The following EFCAB11 variants were observed in gnomAD, a reference collection of about 807,000 sequenced individuals.
The protein encoded by EFCAB11 is EF-hand calcium binding domain 11.
A neutral mutation model predicts 23.0 loss-of-function variants in EFCAB11; 14 were observed. The ratio of observed to expected loss-of-function variants is 0.61; its 90% confidence interval spans 0.40 to 0.95. The LOEUF is 0.95. EFCAB11 is among the 40% of genes least tolerant of loss of function. The pLI is 0.00. For missense variants in EFCAB11, 198 were observed against 195.8 expected (o/e 1.01, Z -0.07); for synonymous variants, 65 against 66.6 (o/e 0.98, Z 0.11).
rs945690667 is a variant in EFCAB11 at position 89,832,482 on chromosome 14, C to T, written c.411-35158G>A. On this transcript the variant is annotated intron_variant, in intron 5 of 5. Transcript: ENST00000316738. ...TACCACTCCTCATGATTTCGCATGA[C>T]GCCTATGTCGCACATGTATGTTTCT... is the stretch of plus-strand genomic sequence containing the variant. Among the ~76,000 whole-genome samples the T allele has an allele frequency of 3.9e-5, 6 of 152,286 alleles. No individual in the cohort carries two copies. In the East Asian group the frequency reaches 5.8e-4, roughly 15 times the overall value.
chr14:89,894,999 C>T (rs1183887577), intron 5 of EFCAB11, among the ~76,000 whole-genome samples: 1 of 152,142 alleles, frequency 6.6e-6, no homozygotes, highest in Non-Finnish European at 1.5e-5. Flanking sequence ...TAGAATCTTG[C>T]CTCTACTATT....
intron 5 of EFCAB11, among the ~76,000 whole-genome samples, chr14:89,903,657 T>C (rs2140205961): frequency 6.6e-6 from 1 of 152,292 alleles, no homozygotes; most frequent in South Asian, 2.1e-4. Flanking sequence ...ATATTAGCAC[T>C]TTAAATCAAT....
At chr14:89,844,038 C>T (rs2140131224) in intron 5 of EFCAB11, among the ~76,000 whole-genome samples, 1 of 152,258 alleles carries the variant, frequency 6.6e-6, no homozygotes, top group African/African-American at 2.4e-5. Flanking sequence ...ATACTAAAGG[C>T]TGAATAACAG....
intron 5 of EFCAB11, among the ~76,000 whole-genome samples, chr14:89,846,976 C>T (rs986376595): frequency 3.9e-5 from 6 of 152,142 alleles, no homozygotes; most frequent in African/African-American, 7.2e-5. Flanking sequence ...TATTTCTGCC[C>T]GATACATCTA....
At chr14:89,836,472 G>C (rs986105777) in intron 5 of EFCAB11, 5 of 438,734 alleles carry the variant, frequency 1.1e-5, no homozygotes, top group Non-Finnish European at 2.3e-5. Flanking sequence ...TTGTTTGAAG[G>C]GGATGTGGAT....
intron 5 of EFCAB11, among the ~76,000 whole-genome samples, chr14:89,897,616 T>A (rs1319074546): frequency 6.6e-6 from 1 of 152,182 alleles, no homozygotes; most frequent in African/African-American, 2.4e-5. Flanking sequence ...TATATGTGAG[T>A]TAATGGTAAT....
chr14:89,913,824 A>G (rs1889754178), intron 5 of EFCAB11, among the ~76,000 whole-genome samples: 1 of 152,138 alleles, frequency 6.6e-6, no homozygotes. Context: ...ATATTTTAAA[A>G]AATATTTAAA....
chr14:89,934,211 C>A (rs139951405), intron 3 of EFCAB11, among the ~76,000 whole-genome samples: 28 of 152,132 alleles, frequency 1.8e-4, no homozygotes, highest in Admixed American at 1.5e-3. Context: ...GATAAAAGGA[C>A]GGAGGTGGGG....
intron 5 of EFCAB11, among the ~76,000 whole-genome samples, chr14:89,805,835 T>C (rs1395877920): frequency 1.3e-5 from 2 of 152,186 alleles, no homozygotes; most frequent in African/African-American, 4.8e-5. Context: ...TTTCCAAACC[T>C]TGCAGTATTT....
At position 89,944,952 on chromosome 14, in the gene EFCAB11, T is replaced by C. The variant is rs1400638670; in HGVS notation, c.217+5145A>G. On this transcript the variant is annotated intron_variant, in intron 3 of 5. Transcript: ENST00000316738. The stretch of plus-strand genomic sequence containing the variant: ...AGATCTAATAATAAATCTAATAAAA[T>C]ATTAGATTTTATTAGATCTAATAAT... Among the ~76,000 whole-genome samples, 44 of 95,558 alleles carry C rather than the reference T, an allele frequency of 4.6e-4. 2 individuals carry two copies. The South Asian group carries it at 0.018, about 38-fold the overall frequency. The allele number at this position is 95,558 out of a possible 152,430, so 62.7% of individuals were successfully genotyped here.
At chr14:89,885,109 G>T (rs562660818) in intron 5 of EFCAB11, among the ~76,000 whole-genome samples, 1 of 152,270 alleles carries the variant, frequency 6.6e-6, no homozygotes, top group African/African-American at 2.4e-5. Context: ...TGCTGCTGGT[G>T]TAAGACCAGC....
At chr14:89,876,281 A>AGGT (rs922215439) in intron 5 of EFCAB11, among the ~76,000 whole-genome samples, 2 of 152,032 alleles carry the variant, frequency 1.3e-5, no homozygotes, top group African/African-American at 2.4e-5. Context: ...GAGGAGGAGG[A>AGGT]GGAGATGTTT....
chr14:89,905,474 G>C (rs1262898816), intron 5 of EFCAB11, among the ~76,000 whole-genome samples: 1 of 152,148 alleles, frequency 6.6e-6, no homozygotes, highest in African/African-American at 2.4e-5. Context: ...ACTGTCACAA[G>C]CATTGAAAAG....
intron 5 of EFCAB11, among the ~76,000 whole-genome samples, chr14:89,866,530 CA>C (rs1000654674): frequency 1.2e-3 from 189 of 152,336 alleles, no homozygotes; most frequent in African/African-American, 4.5e-3. Flanking sequence ...AGCCACTTCT[CA>C]AAGGCACCAA....
In EFCAB11 at chr14:89,794,845, T is replaced by TC. The variant is rs1885521275; in HGVS notation, c.*2397dup. On this transcript the variant is annotated 3_prime_UTR_variant, in exon 6 of 6. Transcript: ENST00000316738. ...AAATAGTAGAGGGTTCCCATATACC[T>TC]CACCCAGTTTCCCCTACTATTAACA... The TC allele has an allele frequency of 6.6e-6, 1 of 152,086 alleles. No homozygotes were observed. The highest frequency in any genetic ancestry group is 2.4e-5 in the African/African-American group (1 of 41,426). 9.4% of individuals were successfully genotyped at this position (152,086 alleles called of 1,614,324 possible).
At chr14:89,802,698 A>G (rs755669302) in intron 5 of EFCAB11, among the ~76,000 whole-genome samples, 1 of 152,082 alleles carries the variant, frequency 6.6e-6, no homozygotes, top group Non-Finnish European at 1.5e-5. Flanking sequence ...CGGACCCATA[A>G]TTGCAATTTT....
intron 5 of EFCAB11, among the ~76,000 whole-genome samples, chr14:89,905,845 G>T (rs2140208736): frequency 6.6e-6 from 1 of 152,124 alleles, no homozygotes; most frequent in African/African-American, 2.4e-5. Context: ...AAAGGGACTT[G>T]GTAATTGAAT....
chr14:89,939,162 C>T (rs1890703154), intron 3 of EFCAB11, among the ~76,000 whole-genome samples: 1 of 152,076 alleles, frequency 6.6e-6, no homozygotes, highest in Non-Finnish European at 1.5e-5. Context: ...AAAGCTTCAT[C>T]CTTCCTTCCG....
intron 5 of EFCAB11, among the ~76,000 whole-genome samples, chr14:89,858,134 G>A (rs1887812130): frequency 6.6e-6 from 1 of 152,180 alleles, no homozygotes; most frequent in Non-Finnish European, 1.5e-5. Context: ...GGGCAATGGG[G>A]CTACCTCTAG....
Sources: allele counts gnomAD v4.1 joint callset (sites outside exome capture counted in the v4.1 genomes callset), GRCh38; gene constraint gnomAD v4.1.1; transcripts MANE v1.5; gene names NCBI Gene and HGNC (gene_info 2026-07-23, HGNC 2026-07-21).